DPP6: variants seen among roughly 807,000 people sequenced by gnomAD.
The protein encoded by DPP6 is dipeptidyl peptidase like 6.
A neutral mutation model predicts 122.6 loss-of-function variants in DPP6; 69 were observed. That is an observed-to-expected ratio of 0.56 (90% CI 0.46 to 0.69). The LOEUF is 0.69. Ranked by LOEUF, DPP6 falls within the 30% of genes least tolerant of loss-of-function variation. The pLI is 0.00. For synonymous variants in DPP6, 418 were observed against 433.1 expected (o/e 0.97, Z 0.43); for missense variants, 928 against 1,116.9 (o/e 0.83, Z 2.41).
chr7:154,220,477 A>C (rs1800242435), intron 1 of DPP6, among the ~76,000 whole-genome samples: 1 of 152,194 alleles, frequency 6.6e-6, no homozygotes, highest in African/African-American at 2.4e-5. Flanking sequence ...CATTAGACTT[A>C]GTACCTGGGT....
chr7:153,776,412 G>A, the DPP6 span, among the ~76,000 whole-genome samples: 5 of 152,116 alleles, frequency 3.3e-5, no homozygotes, highest in East Asian at 1.9e-4. Flanking sequence ...TGCTTGGCAC[G>A]TTTCCTTGCT....
At chr7:154,861,174 T>C (rs1164413312) in intron 17 of DPP6, among the ~76,000 whole-genome samples, 1 of 152,186 alleles carries the variant, frequency 6.6e-6, no homozygotes, top group Admixed American at 6.5e-5. Flanking sequence ...TGAGGGGACC[T>C]TGCCAAGTCA....
chr7:154,650,062 A>G (rs1197939393), intron 6 of DPP6, among the ~76,000 whole-genome samples: 1 of 152,184 alleles, frequency 6.6e-6, no homozygotes, highest in Non-Finnish European at 1.5e-5. Context: ...ATTCATGCCT[A>G]TAATCCCAGC....
chr7:153,960,255 G>A (rs977440015), intron 1 of DPP6, among the ~76,000 whole-genome samples: 2 of 152,112 alleles, frequency 1.3e-5, no homozygotes, highest in Non-Finnish European at 2.9e-5. Flanking sequence ...TCTGTGGCAC[G>A]TCATGCTATT....
chr7:154,872,508 G>A, intron 18 of DPP6, 116 bp from the exon 19 acceptor site: 1 of 1,447,842 alleles, frequency 6.9e-7, no homozygotes, highest in Non-Finnish European at 9.2e-7. Flanking sequence ...CTGTCTGTGG[G>A]CTTCCCCTCA....
At chr7:154,812,705 G>T (rs1171945431) in intron 16 of DPP6, among the ~76,000 whole-genome samples, 1 of 152,152 alleles carries the variant, frequency 6.6e-6, no homozygotes, top group East Asian at 1.9e-4. Flanking sequence ...ATAAATGTGG[G>T]GGGGACATAA....
At chr7:154,060,369 C>A (rs375051813) in intron 1 of DPP6, among the ~76,000 whole-genome samples, 2,258 of 104,552 alleles carry the variant, frequency 0.022, 216 homozygotes, top group African/African-American at 0.083. Context: ...TGAGAGCCAG[C>A]CCCTGGTTCC....
Position 154,604,456 on chromosome 7 carries a change from C to T in DPP6, c.628-33365C>T, listed in dbSNP as rs1175753565. Among the ~76,000 whole-genome samples, 2 of 119,904 alleles carry T rather than the reference C, an allele frequency of 1.7e-5. 1 individual carries two copies. The highest frequency in any genetic ancestry group is 3.8e-5 in the Non-Finnish European group (2 of 53,246). The allele number at this position is 119,904 out of a possible 152,430, so 78.7% of individuals were successfully genotyped here. ...ACAGCTTTTAAATTTTATTAAAAAT[C>T]CTATTGAAATGATATTGAATTGAGA... On this transcript the variant is annotated intron_variant, in intron 5 of 25. Coordinates refer to ENST00000377770, the MANE Select transcript of DPP6 (RefSeq NM_130797.4).
intron 1 of DPP6, among the ~76,000 whole-genome samples, chr7:154,000,635 AT>A (rs1797646459): frequency 6.6e-6 from 1 of 152,176 alleles, no homozygotes; most frequent in African/African-American, 2.4e-5. Flanking sequence ...TAGAGAAGTT[AT>A]TTTGGCTTTC....
At position 154,618,301 on chromosome 7, in the gene DPP6, C is replaced by T. The variant is rs1166308115; in HGVS notation, c.628-19520C>T. On this transcript the variant is annotated intron_variant, in intron 5 of 25. Coordinates refer to ENST00000377770, the MANE Select transcript of DPP6 (RefSeq NM_130797.4). The surrounding 1 kb of genome is among the most constrained non-coding windows in gnomAD (Gnocchi z 4.1). ...CCCCTGAGGAAGCTCAGCAGAGATG[C>T]TTCAGGATGAGATTAGGCTCACTGA... Among the ~76,000 whole-genome samples, 1 of 152,138 alleles carries T rather than the reference C, an allele frequency of 6.6e-6. No individual in the cohort carries two copies. Among genetic ancestry groups the T allele is most frequent in the Admixed American group, 6.5e-5 (1 of 15,274 alleles).
At chr7:153,962,942 CT>C (rs1279686551) in intron 1 of DPP6, among the ~76,000 whole-genome samples, 3 of 152,180 alleles carry the variant, frequency 2.0e-5, no homozygotes, top group Non-Finnish European at 4.4e-5. Flanking sequence ...AATACACATC[CT>C]TCAAGACCCA....
intron 1 of DPP6, among the ~76,000 whole-genome samples, chr7:154,220,480 A>C (rs1438934382): frequency 6.6e-6 from 1 of 152,200 alleles, no homozygotes; most frequent in Non-Finnish European, 1.5e-5. Flanking sequence ...TAGACTTAGT[A>C]CCTGGGTGAT....
chr7:154,192,128 C>G (rs1018376620), intron 1 of DPP6, among the ~76,000 whole-genome samples: 2 of 152,154 alleles, frequency 1.3e-5, no homozygotes, highest in East Asian at 1.9e-4. Flanking sequence ...TTAAAGGCAC[C>G]TTTTAGTTCA....
intron 1 of DPP6, among the ~76,000 whole-genome samples, chr7:154,342,222 C>T (rs2879062): frequency 4.6e-5 from 7 of 152,044 alleles, no homozygotes; most frequent in Non-Finnish European, 7.4e-5. Flanking sequence ...AACCAGGTTA[C>T]GGTCAGCAGC....
At position 154,318,228 on chromosome 7, in the gene DPP6, T is replaced by C. The variant is rs187376386; in HGVS notation, c.244-127986T>C. On this transcript the variant is annotated intron_variant, in intron 1 of 25. Transcript: ENST00000377770. ...ATTGAAAATATTCACAGAGATTATG[T>C]ATTAATTATATAGTTGTACTTAGAA... Among the ~76,000 whole-genome samples the C allele has an allele frequency of 4.5e-4, 69 of 152,324 alleles. No individual in the cohort carries two copies. In the East Asian group the frequency reaches 0.011, roughly 25 times the overall value.
chr7:153,912,029 C>T (rs1210781071), intron 1 of DPP6, among the ~76,000 whole-genome samples: 5 of 152,138 alleles, frequency 3.3e-5, no homozygotes, highest in Non-Finnish European at 7.4e-5. Flanking sequence ...GAAGCTAACA[C>T]AAATTGTCTT....
chr7:154,341,381 G>A (rs956622320), intron 1 of DPP6, among the ~76,000 whole-genome samples: 6 of 151,998 alleles, frequency 3.9e-5, no homozygotes, highest in African/African-American at 1.2e-4. Flanking sequence ...ATACATAATT[G>A]TGAGCATTCC....
rs370917729 is a variant in DPP6 at position 154,100,901 on chromosome 7, A to G, written c.243+47838A>G. On this transcript the variant is annotated intron_variant, in intron 1 of 25. Transcript: ENST00000377770. ...CTGCTGGGCCTTTAAGACAGGCCTC[A>G]AACCACCTCTGCTGTGAAGCCTGCC... Among the ~76,000 whole-genome samples the G allele has an allele frequency of 1.5e-3, 211 of 142,350 alleles. 6 individuals are homozygous for G. The highest frequency in any genetic ancestry group is 4.2e-3 in the African/African-American group (168 of 40,056). The allele number at this position is 142,350 out of a possible 152,430, so 93.4% of individuals were successfully genotyped here.
intron 1 of DPP6, among the ~76,000 whole-genome samples, chr7:154,357,605 A>G (rs967552171): frequency 3.3e-5 from 5 of 152,190 alleles, no homozygotes; most frequent in African/African-American, 1.2e-4. Context: ...TTCCATTTCT[A>G]AAGAATTGTG....
Sources: gnomAD v4.1 joint callset for allele counts (sites outside exome capture counted in the v4.1 genomes callset) on GRCh38, gnomAD v4.1.1 for gene constraint, Gnocchi (gnomAD v3.1) non-coding constraint, MANE v1.5 for transcripts, NCBI Gene and HGNC (gene_info 2026-07-23, HGNC 2026-07-21) for gene names.